Variants in PTPRD observed in about 807,000 individuals in gnomAD.
PTPRD encodes the protein protein tyrosine phosphatase receptor type D.
Under a neutral mutation model 214.5 loss-of-function variants are expected in PTPRD, and 34 were observed. The ratio of observed to expected loss-of-function variants is 0.16; its 90% CI spans 0.12 to 0.21. The LOEUF (loss-of-function observed/expected upper bound fraction) is 0.21. Among genes scored for constraint, PTPRD ranks in the 10% least tolerant of loss-of-function variants. PTPRD has a pLI of 1.00. For synonymous variants in PTPRD, 1,128 were observed against 845.7 expected, an observed-to-expected ratio of 1.33 and a Z score of -5.79; for missense variants, 2,545 against 2,398.7, an observed-to-expected ratio of 1.06 and a Z score of -1.27.
intron 10 of PTPRD, among the ~76,000 whole-genome samples, chr9:9,114,811 C>A (rs2099810745): frequency 6.6e-6 from 1 of 152,014 alleles, no homozygotes; most frequent in African/African-American, 2.4e-5. Context: ...TCGTATGCAT[C>A]TATGGGCCTT....
intron 7 of PTPRD, among the ~76,000 whole-genome samples, chr9:9,580,547 C>CTTTTTTT (rs1176394314): frequency 1.6e-5 from 2 of 123,072 alleles, no homozygotes; most frequent in Non-Finnish European, 3.4e-5. Flanking sequence ...ACTTTATTTT[C>CTTTTTTT]TTTTTTTTTT....
intron 5 of PTPRD, among the ~76,000 whole-genome samples, chr9:9,828,200 C>T (rs949018947): frequency 2.6e-5 from 4 of 152,082 alleles, no homozygotes. Context: ...AAGACACATA[C>T]ACACGCATGT....
At chr9:9,286,873 A>AATATATAT (rs34631864) in intron 9 of PTPRD, among the ~76,000 whole-genome samples, 24 of 77,074 alleles carry the variant, frequency 3.1e-4, no homozygotes, top group South Asian at 1.5e-3. Context: ...GAAACTACTG[A>AATATATAT]ATATATATAT....
chr9:8,838,563 T>TAA (rs145343455), intron 11 of PTPRD, among the ~76,000 whole-genome samples: 2 of 151,682 alleles, frequency 1.3e-5, no homozygotes, highest in Admixed American at 6.6e-5. Context: ...AACTGAAAAA[T>TAA]AAAAGAGAGA....
intron 5 of PTPRD, among the ~76,000 whole-genome samples, chr9:9,889,856 T>G (rs2072600954): frequency 6.6e-6 from 1 of 151,652 alleles, no homozygotes; most frequent in South Asian, 2.1e-4. Context: ...AGGGGCAGGT[T>G]TCTGAAGGGT....
At chr9:9,034,134 T>C (rs993081203) in intron 10 of PTPRD, among the ~76,000 whole-genome samples, 1 of 152,136 alleles carries the variant, frequency 6.6e-6, no homozygotes, top group African/African-American at 2.4e-5. Context: ...AAGGCATACT[T>C]AAGTGAGTAT....
At chr9:8,589,128 G>C (rs868580227) in intron 14 of PTPRD, among the ~76,000 whole-genome samples, 1 of 152,116 alleles carries the variant, frequency 6.6e-6, no homozygotes, top group African/African-American at 2.4e-5. Flanking sequence ...TAGCGCAAAG[G>C]AAAATGTTGC....
At chr9:9,433,111 G>A (rs2083866537) in intron 8 of PTPRD, among the ~76,000 whole-genome samples, 1 of 152,080 alleles carries the variant, frequency 6.6e-6, no homozygotes, top group African/African-American at 2.4e-5. Context: ...CAGAGAAGAA[G>A]AAAAAGTAAA....
At chr9:9,802,508 T>C (rs1036873058) in intron 5 of PTPRD, among the ~76,000 whole-genome samples, 1 of 151,978 alleles carries the variant, frequency 6.6e-6, no homozygotes, top group African/African-American at 2.4e-5. Flanking sequence ...TGTTCTAACA[T>C]TTGGATAATC....
chr9:9,541,933 T>C (rs57176478), intron 8 of PTPRD, among the ~76,000 whole-genome samples: 34,843 of 151,240 alleles, frequency 0.23, 4,283 homozygotes, highest in Non-Finnish European at 0.26. Context: ...CTCAAGATTC[T>C]AGAGAAAGAA....
intron 4 of PTPRD, among the ~76,000 whole-genome samples, chr9:9,953,095 T>C (rs1368316713): frequency 6.6e-6 from 1 of 152,192 alleles, no homozygotes; most frequent in Non-Finnish European, 1.5e-5. Flanking sequence ...CCACATCATA[T>C]GTCTATTAGA....
intron 34 of PTPRD, among the ~76,000 whole-genome samples, chr9:8,440,177 T>A (rs2095499924): frequency 6.6e-6 from 1 of 152,042 alleles, no homozygotes; most frequent in South Asian, 2.1e-4. Context: ...TCTTGAATCC[T>A]CTCTAACACC....
intron 3 of PTPRD, among the ~76,000 whole-genome samples, chr9:10,054,246 A>G (rs1567351144): frequency 6.6e-6 from 1 of 152,194 alleles, no homozygotes; most frequent in African/African-American, 2.4e-5. Flanking sequence ...TTAATAAACT[A>G]TAGATACTAT....
chr9:8,794,412 T>C (rs1297252148), intron 11 of PTPRD, among the ~76,000 whole-genome samples: 9 of 152,252 alleles, frequency 5.9e-5, no homozygotes, highest in South Asian at 2.1e-4. Flanking sequence ...CTTTTATCTA[T>C]ATCACACTAC....
chr9:10,138,741 T>A (rs2098960395), intron 3 of PTPRD, among the ~76,000 whole-genome samples: 1 of 152,096 alleles, frequency 6.6e-6, no homozygotes, highest in African/African-American at 2.4e-5. Context: ...GCAAGGTTGG[T>A]TCAACACATG....
At chr9:8,649,797 T>C (rs917325883) in intron 12 of PTPRD, among the ~76,000 whole-genome samples, 2 of 152,248 alleles carry the variant, frequency 1.3e-5, no homozygotes, top group Non-Finnish European at 2.9e-5. Context: ...TATTAACTTC[T>C]AAATATTATG....
At chr9:9,428,854 G>A (rs139872228) in intron 8 of PTPRD, among the ~76,000 whole-genome samples, 1 of 152,102 alleles carries the variant, frequency 6.6e-6, no homozygotes, top group East Asian at 1.9e-4. Context: ...TTTGAAACCA[G>A]TGAAAACAAA....
At chr9:9,584,700 T>A (rs1472543833) in intron 7 of PTPRD, among the ~76,000 whole-genome samples, 1 of 151,928 alleles carries the variant, frequency 6.6e-6, no homozygotes, top group Admixed American at 6.6e-5. Context: ...TTTGCTTTCA[T>A]CCCCCCTTTT....
intron 39 of PTPRD, among the ~76,000 whole-genome samples, chr9:8,365,694 C>G (rs986689934): frequency 1.3e-5 from 2 of 151,996 alleles, no homozygotes; most frequent in Non-Finnish European, 2.9e-5. Context: ...TTCCTTGAAT[C>G]TGGAATGGCC....
Sources: gnomAD v4.1 joint callset for allele counts (sites outside exome capture counted in the v4.1 genomes callset) on GRCh38, gnomAD v4.1.1 for gene constraint, MANE v1.5 for transcripts, NCBI Gene and HGNC (gene_info 2026-07-23, HGNC 2026-07-21) for gene names.